The following PTPRT variants were observed in gnomAD, a reference collection of about 807,000 sequenced individuals.
The protein encoded by PTPRT is receptor-type tyrosine-protein phosphatase T.
In PTPRT, 56 loss-of-function variants were observed where a neutral mutation model predicts 176.8. That is an observed-to-expected ratio of 0.32 (90% confidence interval 0.26 to 0.40). The LOEUF (loss-of-function observed/expected upper bound fraction) is 0.40, where lower values mean the gene tolerates loss of function less well. PTPRT is among the 10% of genes least tolerant of loss of function. PTPRT has a pLI of 1.00. For missense variants in PTPRT, 1,540 were observed against 1,908.2 expected, an observed-to-expected ratio of 0.81 and a Z score of 3.60; for synonymous variants, 783 against 739.0, an observed-to-expected ratio of 1.06 and a Z score of -0.96.
chr20:42,187,364 T>A (rs1218926244), intron 16 of PTPRT, among the ~76,000 whole-genome samples: 1 of 152,176 alleles, frequency 6.6e-6, no homozygotes, highest in African/African-American at 2.4e-5. Flanking sequence ...TCTTTCCACC[T>A]AGTTAAGAGC....
intron 17 of PTPRT, among the ~76,000 whole-genome samples, chr20:42,151,652 G>A (rs553917186): frequency 6.6e-6 from 1 of 152,094 alleles, no homozygotes; most frequent in Non-Finnish European, 1.5e-5. Flanking sequence ...TAATGCTTTG[G>A]GTATATACCC....
intron 1 of PTPRT, among the ~76,000 whole-genome samples, chr20:43,008,049 C>T (rs554682509): frequency 6.6e-6 from 1 of 152,242 alleles, no homozygotes; most frequent in Non-Finnish European, 1.5e-5. Flanking sequence ...AGTGGCTTTG[C>T]CACAGATTTA....
intron 1 of PTPRT, among the ~76,000 whole-genome samples, chr20:43,086,208 C>T (rs1287644545): frequency 6.6e-6 from 1 of 152,162 alleles, no homozygotes; most frequent in Admixed American, 6.5e-5. Flanking sequence ...CAAGGGCCAA[C>T]CAACCCGCTG....
chr20:43,149,558 C>T (rs1222734437), intron 1 of PTPRT, among the ~76,000 whole-genome samples: 1 of 152,140 alleles, frequency 6.6e-6, no homozygotes, highest in Admixed American at 6.5e-5. Flanking sequence ...GGGCTGTGTC[C>T]CTTATCAGTT....
chr20:42,089,817 G>A (rs374488003), intron 27 of PTPRT, among the ~76,000 whole-genome samples: 6 of 152,124 alleles, frequency 3.9e-5, no homozygotes, highest in Admixed American at 6.5e-5. Context: ...TGGGAAATAA[G>A]AGAAAGAAAG....
chr20:42,918,015 C>A (rs552836531), intron 1 of PTPRT, among the ~76,000 whole-genome samples: 1 of 152,246 alleles, frequency 6.6e-6, no homozygotes, highest in East Asian at 1.9e-4. Context: ...TCTGATCCTG[C>A]AACACTTTTG....
chr20:42,548,527 C>G (rs2072714139), intron 7 of PTPRT, among the ~76,000 whole-genome samples: 1 of 151,882 alleles, frequency 6.6e-6, no homozygotes, highest in African/African-American at 2.4e-5. Flanking sequence ...AAAACTGAAA[C>G]TATAAAGTTA....
At chr20:43,057,323 G>C (rs1206151236) in intron 1 of PTPRT, among the ~76,000 whole-genome samples, 2 of 98,790 alleles carry the variant, frequency 2.0e-5, no homozygotes, top group Non-Finnish European at 2.1e-5. Flanking sequence ...GAGGAGGGGG[G>C]AAGGGGAGAA....
intron 13 of PTPRT, among the ~76,000 whole-genome samples, chr20:42,282,267 C>T (rs772987706): frequency 6.6e-6 from 1 of 152,146 alleles, no homozygotes; most frequent in Non-Finnish European, 1.5e-5. Context: ...ATCCACCCAT[C>T]CATCCATTCA....
intron 25 of PTPRT, among the ~76,000 whole-genome samples, chr20:42,102,778 C>A (rs1225710006): frequency 6.6e-6 from 1 of 152,174 alleles, no homozygotes; most frequent in Non-Finnish European, 1.5e-5. Flanking sequence ...CCTAGATGAC[C>A]TGCTCAGGAT....
chr20:42,937,956 T>A (rs1406852196), intron 1 of PTPRT, among the ~76,000 whole-genome samples: 2 of 152,186 alleles, frequency 1.3e-5, no homozygotes, highest in Non-Finnish European at 2.9e-5. Flanking sequence ...AAGTAACTAG[T>A]GTTAAAAGAT....
At chr20:43,163,420 C>T (rs1279202335) in intron 1 of PTPRT, among the ~76,000 whole-genome samples, 4 of 152,026 alleles carry the variant, frequency 2.6e-5, no homozygotes, top group Non-Finnish European at 4.4e-5. Flanking sequence ...GGGCAAATCA[C>T]GAGGTCACGA....
At chr20:42,755,176 C>T (rs558510912) in intron 6 of PTPRT, among the ~76,000 whole-genome samples, 1 of 152,182 alleles carries the variant, frequency 6.6e-6, no homozygotes, top group South Asian at 2.1e-4. Context: ...CAGCTGAGAC[C>T]TGAATGATGG....
At chr20:43,043,342 G>GA (rs1986708788) in intron 1 of PTPRT, among the ~76,000 whole-genome samples, 1 of 150,878 alleles carries the variant, frequency 6.6e-6, no homozygotes, top group South Asian at 2.1e-4. Flanking sequence ...CATATCCTGA[G>GA]AAAAAAAGAA....
chr20:42,796,623 A>C (rs140103582), intron 2 of PTPRT, among the ~76,000 whole-genome samples: 1 of 152,332 alleles, frequency 6.6e-6, no homozygotes, highest in Non-Finnish European at 1.5e-5. Flanking sequence ...ATAGCTATTT[A>C]AGAGGGAAAA....
At chr20:42,480,604 G>A (rs989392406) in intron 7 of PTPRT, among the ~76,000 whole-genome samples, 7 of 152,168 alleles carry the variant, frequency 4.6e-5, no homozygotes, top group African/African-American at 1.7e-4. Flanking sequence ...ATGCTAGGGG[G>A]ATGCAATAAT....
chr20:42,885,771 T>C (rs1314589370), intron 2 of PTPRT, 36 bp downstream of exon 2: 17 of 1,584,498 alleles, frequency 1.1e-5, no homozygotes, highest in Non-Finnish European at 1.5e-5. Context: ...AAACTAGCCA[T>C]CCCCATTACA....
intron 6 of PTPRT, among the ~76,000 whole-genome samples, chr20:42,713,734 A>C (rs907530172): frequency 2.0e-5 from 3 of 152,132 alleles, no homozygotes; most frequent in Non-Finnish European, 4.4e-5. Context: ...GATTTCTCAC[A>C]AATAGTTTAG....
chr20:42,827,534 C>A (rs1043437631), intron 2 of PTPRT, among the ~76,000 whole-genome samples: 12 of 152,148 alleles, frequency 7.9e-5, no homozygotes, highest in South Asian at 4.1e-4. Context: ...ATACCAGAAT[C>A]TCTGGGATAC....
Sources: allele counts gnomAD v4.1 joint callset (sites outside exome capture counted in the v4.1 genomes callset), GRCh38; gene constraint gnomAD v4.1.1; transcripts MANE v1.5; gene names NCBI Gene and HGNC (gene_info 2026-07-23, HGNC 2026-07-21).